Variants in CACNA1D observed in about 807,000 individuals in gnomAD.
The protein encoded by CACNA1D is voltage-dependent L-type calcium channel subunit alpha-1D.
Under a neutral mutation model 257.1 loss-of-function variants are expected in CACNA1D, and 55 were observed. The ratio of observed to expected loss-of-function variants is 0.21; its 90% CI spans 0.17 to 0.27. The LOEUF (loss-of-function observed/expected upper bound fraction) is 0.27, where lower values mean the gene tolerates loss of function less well. Ranked by LOEUF, CACNA1D falls within the 10% of genes least tolerant of loss-of-function variation. CACNA1D has a pLI of 1.00. For synonymous variants in CACNA1D, 980 were observed against 1,014.9 expected (o/e 0.97, Z 0.65); for missense variants, 1,876 against 2,784.0 (o/e 0.67, Z 7.34).
rs779504539 is a variant in CACNA1D, at chr3:53,749,350, A to G, written c.3397A>G (p.Ile1133Val). 4 of 1,611,880 alleles carry G rather than the reference A, an allele frequency of 2.5e-6. No homozygotes were observed. The highest frequency in any genetic ancestry group is 3.4e-6 in the Non-Finnish European group (4 of 1,178,388). The change falls in exon 27 of 48, where the codon ATC becomes GTC. Residue 1133 changes from isoleucine (I) to valine (V), a missense_variant. Ile to Val is a conservative substitution (Grantham distance 29). Around this residue, in one of 10 missense-constraint regions of CACNA1D, gnomAD observed 271 missense variants for 425.5 expected, o/e 0.64. Coordinates refer to ENST00000350061, the MANE Select transcript of CACNA1D (RefSeq NM_001128840.3). ...NHRVEISIFF[I>V]IYIIIVAFFM... ...CCGCGTGGAGATCTCCATCTTCTTC[A>G]TCATCTACATCATCATTGTAGCTTT...
At chr3:53,691,889 T>TATATATATTACATATATTATATATA (rs1559523248) in intron 8 of CACNA1D, among the ~76,000 whole-genome samples, 6 of 97,782 alleles carry the variant, frequency 6.1e-5, no homozygotes, top group South Asian at 3.2e-4. Context: ...TAATATATAT[T>TATATATATTACATATATTATATATA]ATATATATTA....
At position 53,661,521 on chromosome 3, in the gene CACNA1D, G is replaced by A. The variant is rs143496710; in HGVS notation, c.766+1246G>A. Reference sequence around the variant, plus strand: ...TGACTGGCTCTGTTAAGTGTAACACGATTAAATGAGAAGTTCAGTGAGCAA... The same window carrying A: ...TGACTGGCTCTGTTAAGTGTAACACAATTAAATGAGAAGTTCAGTGAGCAA... On this transcript the variant is annotated intron_variant, in intron 5 of 47. Transcript: ENST00000350061. Among the ~76,000 whole-genome samples the A allele has an allele frequency of 2.3e-3, 355 of 152,312 alleles. 1 individual carries two copies. Among genetic ancestry groups the A allele is most frequent in the African/African-American group, 8.1e-3 (336 of 41,558 alleles).
At position 53,726,943 on chromosome 3, in the gene CACNA1D, C is replaced by A; in HGVS notation, c.2165C>A (p.Ser722Tyr). 1 of 1,614,106 alleles carries A rather than the reference C, an allele frequency of 6.2e-7. No individual in the cohort carries two copies. The highest frequency in any genetic ancestry group is 8.5e-7 in the Non-Finnish European group (1 of 1,179,978). The change falls in exon 15 of 48, where the codon TCC (serine) becomes TAC (tyrosine). Residue 722 changes from serine to tyrosine, a missense_variant. Physicochemically the swap from Ser to Tyr is moderately radical, Grantham distance 144. Coordinates refer to ENST00000350061, the MANE Select transcript of CACNA1D (RefSeq NM_001128840.3). The part of the protein sequence containing the change: ...YDGIMAYGGP[S>Y]SSGMIVCIYF... Reference sequence around the variant, plus strand: ...GGCATCATGGCTTACGGGGGCCCATCCTCTTCAGGAATGATCGTCTGCATC... The same window carrying A: ...GGCATCATGGCTTACGGGGGCCCATACTCTTCAGGAATGATCGTCTGCATC...
chr3:53,802,107 A>G lies in CACNA1D; in HGVS notation c.5409-40A>G, dbSNP rs761881923. 2.3e-5 allele frequency: 36 copies of G among 1,537,662 alleles called. No individual in the cohort carries two copies. In the African/African-American group the frequency reaches 3.8e-4, roughly 16 times the overall value. ...TAAATTTGGTTGGAAATTAACTTTT[A>G]TCTTCTCCCTCCTTCCCATGTTATG... On this transcript the variant is annotated intron_variant, in intron 42 of 47. Coordinates refer to ENST00000350061, the MANE Select transcript of CACNA1D (RefSeq NM_001128840.3).
intron 40 of CACNA1D, among the ~76,000 whole-genome samples, chr3:53,788,372 G>T (rs2095467180): frequency 6.6e-6 from 1 of 152,186 alleles, no homozygotes; most frequent in Admixed American, 6.5e-5. Context: ...GGAATCACAG[G>T]CTCAGTCACA....
rs563593043 is a variant in CACNA1D, at chr3:53,508,225, G to A, written c.483+6505G>A. On this transcript the variant is annotated intron_variant, in intron 3 of 47. Transcript: ENST00000350061. ...TGTTACATAGGTAAATGCATGCCAC[G>A]GTGGTTTGCCGCACCTATCAACCCA... Among the ~76,000 whole-genome samples the A allele has an allele frequency of 7.2e-5, 11 of 152,208 alleles. No homozygotes were observed. The South Asian group carries it at 1.9e-3, about 26-fold the overall frequency.
At chr3:53,549,810 A>G (rs1472348997) in intron 3 of CACNA1D, among the ~76,000 whole-genome samples, 1 of 152,180 alleles carries the variant, frequency 6.6e-6, no homozygotes, top group Admixed American at 6.5e-5. Context: ...AGATCAATTT[A>G]TCATAAAATC....
chr3:53,705,157 A>C (rs2094673362), intron 9 of CACNA1D, among the ~76,000 whole-genome samples: 1 of 151,988 alleles, frequency 6.6e-6, no homozygotes, highest in South Asian at 2.1e-4. Context: ...AAGGCCCAGC[A>C]CTCTGCTGTG....
Position 53,801,312 on chromosome 3 carries a change from A to C in CACNA1D, c.5295A>C (p.Lys1765Asn). The change falls in exon 42 of 48, where the codon AAA becomes AAC. Residue 1765 changes from lysine (K) to asparagine (N), a missense_variant. Around this residue, in one of 10 missense-constraint regions of CACNA1D, gnomAD observed 491 missense variants for 554.3 expected, o/e 0.89. Transcript: ENST00000350061. ...ATCTCAATAATGCCAATATGTCCAA[A>C]GCTGCCCATGGAAAGCGGCCCAGCA... ...NANLNNANMS[K>N]AAHGKRPSIG... is the part of the protein sequence containing the mutation. The C allele has an allele frequency of 1.2e-6, 2 of 1,614,180 alleles. No homozygotes were observed. The highest frequency in any genetic ancestry group is 1.7e-6 in the Non-Finnish European group (2 of 1,180,024).
At chr3:53,745,925 C>G (rs1312385849) in intron 25 of CACNA1D, 50 bp downstream of exon 25, 1 of 1,416,360 alleles carries the variant, frequency 7.1e-7, no homozygotes, top group Non-Finnish European at 1.0e-6. Flanking sequence ...AAATAGCAGA[C>G]TTCAAGGATT....
intron 23 of CACNA1D, among the ~76,000 whole-genome samples, chr3:53,745,358 A>G (rs559032943): frequency 6.6e-6 from 1 of 151,736 alleles, no homozygotes; most frequent in Middle Eastern, 3.4e-3. Flanking sequence ...CCCCTGCCTC[A>G]GCCTCCTCAG....
rs147214760 is a variant in CACNA1D at position 53,703,806 on chromosome 3, G to T, written c.1390+996G>T. On this transcript the variant is annotated intron_variant, in intron 9 of 47. Transcript: ENST00000350061. ...ACAGGGGAAACCCAGAGCTGGAGAGGATGTGGAGTGCTGCCTCCTAGGGAG... is the reference window on the plus strand; with the variant it reads ...ACAGGGGAAACCCAGAGCTGGAGAGTATGTGGAGTGCTGCCTCCTAGGGAG... Among the ~76,000 whole-genome samples the T allele has an allele frequency of 3.6e-3, 547 of 152,274 alleles. 8 individuals are homozygous for T. Among genetic ancestry groups the T allele is most frequent in the African/African-American group, 0.012 (503 of 41,538 alleles).
intron 8 of CACNA1D, among the ~76,000 whole-genome samples, chr3:53,702,312 C>T (rs748699586): frequency 3.3e-5 from 5 of 152,314 alleles, no homozygotes; most frequent in Non-Finnish European, 7.4e-5. Flanking sequence ...GTTCAGGCCC[C>T]TTGTTGGGGG....
intron 3 of CACNA1D, among the ~76,000 whole-genome samples, chr3:53,607,489 G>T (rs1413760208): frequency 6.6e-6 from 1 of 152,220 alleles, no homozygotes; most frequent in Non-Finnish European, 1.5e-5. Context: ...TGCTGACTTT[G>T]AAGACAGGGA....
Position 53,686,555 on chromosome 3 carries a change from T to G in CACNA1D, c.1220+13429T>G, listed in dbSNP as rs140765598. ...TTGGAAAATCAAATAATTTACCATATTAATAGAATGAAAGAGGAAATCATA... is the reference window on the plus strand; with the variant it reads ...TTGGAAAATCAAATAATTTACCATAGTAATAGAATGAAAGAGGAAATCATA... On this transcript the variant is annotated intron_variant, in intron 8 of 47. Transcript: ENST00000350061. Among the ~76,000 whole-genome samples the G allele has an allele frequency of 4.8e-3, 724 of 152,150 alleles. 8 individuals carry two copies. Among genetic ancestry groups the G allele is most frequent in the African/African-American group, 0.017 (700 of 41,548 alleles).
chr3:53,521,238 C>T (rs983666046), intron 3 of CACNA1D, among the ~76,000 whole-genome samples: 1 of 151,980 alleles, frequency 6.6e-6, no homozygotes, highest in Non-Finnish European at 1.5e-5. Flanking sequence ...GATGGGGGTC[C>T]TGCTACGTTG....
At chr3:53,522,115 G>T (rs1163872507) in intron 3 of CACNA1D, among the ~76,000 whole-genome samples, 3 of 152,170 alleles carry the variant, frequency 2.0e-5, no homozygotes, top group African/African-American at 7.2e-5. Flanking sequence ...TAGCCTGAGT[G>T]ACAGAGCGAG....
chr3:53,717,306 A>C (rs1488284003), intron 9 of CACNA1D, among the ~76,000 whole-genome samples: 1 of 152,190 alleles, frequency 6.6e-6, no homozygotes, highest in African/African-American at 2.4e-5. Context: ...AGCTGATGGA[A>C]GTGAGCTGGG....
At position 53,731,069 on chromosome 3, in the gene CACNA1D, C is replaced by T; in HGVS notation, c.2337-8C>T. 6.3e-7 allele frequency: 1 copy of T among 1,576,670 alleles called. No homozygotes were observed. Among genetic ancestry groups the T allele is most frequent in the Non-Finnish European group, 8.7e-7 (1 of 1,146,242 alleles). On this transcript the variant is annotated splice_region_variant and splice_polypyrimidine_tract_variant and intron_variant, in intron 16 of 47. Transcript: ENST00000350061. Reference sequence around the variant, plus strand: ...TTGGTTTCTTGTGCTCTTTTCTCTTCTCTTTAGAAAAGAGAGCCTAGAAAA... The same window carrying T: ...TTGGTTTCTTGTGCTCTTTTCTCTTTTCTTTAGAAAAGAGAGCCTAGAAAA...
Sources: gnomAD v4.1 joint callset for allele counts (sites outside exome capture counted in the v4.1 genomes callset) on GRCh38, gnomAD v4.1.1 for gene constraint, gnomAD v4.1.1 regional missense constraint, MANE v1.5 for transcripts, NCBI Gene and HGNC (gene_info 2026-07-23, HGNC 2026-07-21) for gene names.